Variants in SSBP2 observed in about 807,000 individuals in gnomAD.
SSBP2 encodes the protein single-stranded DNA-binding protein 2.
In SSBP2, 17 loss-of-function variants were observed where a neutral mutation model predicts 61.8. The observed-to-expected ratio is 0.28, with a 90% confidence interval of 0.19 to 0.41. SSBP2 has a LOEUF of 0.41. Among genes scored for constraint, SSBP2 ranks in the 10% least tolerant of loss-of-function variants. The pLI, the probability that SSBP2 is intolerant of heterozygous loss-of-function variation, is 1.00. For missense variants in SSBP2, 310 were observed against 458.7 expected, an observed-to-expected ratio of 0.68 and a Z score of 2.96; for synonymous variants, 139 against 141.3, an observed-to-expected ratio of 0.98 and a Z score of 0.12.
chr5:81,442,668 T>G lies in SSBP2; in HGVS notation c.834A>C (p.Gly278=). The G allele has an allele frequency of 1.3e-6, 2 of 1,582,074 alleles. No homozygotes were observed. Among genetic ancestry groups the G allele is most frequent in the Non-Finnish European group, 1.7e-6 (2 of 1,162,640 alleles). Reference sequence around the variant, plus strand: ...TCATATTTACATTAGGTCTGTTAGGTCCAGGAGGTACTGCATTCATTAAAG... The same window carrying G: ...TCATATTTACATTAGGTCTGTTAGGGCCAGGAGGTACTGCATTCATTAAAG... Residue 278 remains glycine (G), a synonymous_variant, in exon 13 of 17, where the codon GGA becomes GGC. Coordinates refer to ENST00000320672, the MANE Select transcript of SSBP2 (RefSeq NM_012446.5).
chr5:81,496,877 G>T (rs575847158), intron 5 of SSBP2, among the ~76,000 whole-genome samples: 1 of 152,212 alleles, frequency 6.6e-6, no homozygotes, highest in South Asian at 2.1e-4. Flanking sequence ...ATGGTCAGTT[G>T]GTCACAAAAA....
chr5:81,593,723 C>T (rs1743381933), intron 4 of SSBP2, among the ~76,000 whole-genome samples: 1 of 152,142 alleles, frequency 6.6e-6, no homozygotes, highest in Non-Finnish European at 1.5e-5. Context: ...AATCCAGAAT[C>T]TCATATCCAG....
chr5:81,665,984 A>G (rs780022357), intron 1 of SSBP2, among the ~76,000 whole-genome samples: 1 of 152,242 alleles, frequency 6.6e-6, no homozygotes, highest in Non-Finnish European at 1.5e-5. Context: ...AAGGCTGCTC[A>G]TAAGACTGTG....
chr5:81,739,659 A>G (rs1047774595), intron 1 of SSBP2, among the ~76,000 whole-genome samples: 5 of 152,328 alleles, frequency 3.3e-5, no homozygotes, highest in African/African-American at 1.2e-4. Flanking sequence ...TTTTTAATGA[A>G]TAACGGAGTG....
intron 1 of SSBP2, among the ~76,000 whole-genome samples, chr5:81,702,088 T>C (rs1298911692): frequency 1.3e-5 from 2 of 152,090 alleles, no homozygotes; most frequent in African/African-American, 2.4e-5. Flanking sequence ...AAAAAAAAGA[T>C]TCGGCCAGGC....
chr5:81,655,337 G>A (rs1433828090), intron 1 of SSBP2, among the ~76,000 whole-genome samples: 1 of 151,984 alleles, frequency 6.6e-6, no homozygotes, highest in Admixed American at 6.6e-5. Context: ...CTATTTAGCA[G>A]AGTAGCTAAT....
chr5:81,583,841 G>A (rs1038851994), intron 4 of SSBP2, among the ~76,000 whole-genome samples: 1 of 152,082 alleles, frequency 6.6e-6, no homozygotes, highest in Non-Finnish European at 1.5e-5. Context: ...TTCCAGAAAG[G>A]TGCATCCATA....
At chr5:81,589,881 G>A (rs1418372927) in intron 4 of SSBP2, among the ~76,000 whole-genome samples, 2 of 152,258 alleles carry the variant, frequency 1.3e-5, no homozygotes, top group East Asian at 3.9e-4. Flanking sequence ...GAGGGAGAGA[G>A]AGAGAGAGAG....
intron 3 of SSBP2, among the ~76,000 whole-genome samples, chr5:81,633,524 T>C (rs1181087696): frequency 6.6e-6 from 1 of 152,108 alleles, no homozygotes; most frequent in African/African-American, 2.4e-5. Flanking sequence ...GTAATACCAT[T>C]CAACCATCTC....
intron 1 of SSBP2, among the ~76,000 whole-genome samples, chr5:81,696,450 T>C (rs187665213): frequency 5.9e-5 from 9 of 152,144 alleles, no homozygotes; most frequent in African/African-American, 1.9e-4. Flanking sequence ...CACGAAGAAA[T>C]GGAAAAAATC....
chr5:81,737,787 C>A (rs1474496141), intron 1 of SSBP2, among the ~76,000 whole-genome samples: 416 of 107,962 alleles, frequency 3.9e-3, no homozygotes, highest in African/African-American at 4.9e-3. Context: ...GACTCCATCT[C>A]AAAAAAAAAA....
rs192175762 is a variant in SSBP2, at chr5:81,738,492, T to C, written c.62+12489A>G. The stretch of plus-strand genomic sequence containing the variant: ...TTCTTCCAGGAACTCAAAAGCTACA[T>C]ATCCAAGTTCCTCCCAAACTTCTCC... On this transcript the variant is annotated intron_variant, in intron 1 of 16. Transcript: ENST00000320672. Among the ~76,000 whole-genome samples the C allele has an allele frequency of 3.3e-3, 500 of 152,300 alleles. 2 individuals carry two copies. The highest frequency in any genetic ancestry group is 0.012 in the African/African-American group (480 of 41,568).
chr5:81,633,385 G>C (rs186017646), intron 3 of SSBP2, among the ~76,000 whole-genome samples: 53 of 151,888 alleles, frequency 3.5e-4, no homozygotes, highest in African/African-American at 1.2e-3. Flanking sequence ...CAAAGTGCTG[G>C]GATTACAGGC....
intron 4 of SSBP2, among the ~76,000 whole-genome samples, chr5:81,552,814 T>G (rs1772310050): frequency 6.6e-6 from 1 of 152,134 alleles, no homozygotes; most frequent in South Asian, 2.1e-4. Flanking sequence ...AGACTTTTAG[T>G]AATTATAAAG....
intron 4 of SSBP2, among the ~76,000 whole-genome samples, chr5:81,570,597 C>T (rs1206459634): frequency 6.6e-6 from 1 of 152,156 alleles, no homozygotes; most frequent in Non-Finnish European, 1.5e-5. Flanking sequence ...CCAACAGGGG[C>T]GTCTGCCTGA....
chr5:81,694,826 T>G (rs906584805), intron 1 of SSBP2, among the ~76,000 whole-genome samples: 2 of 152,152 alleles, frequency 1.3e-5, no homozygotes, highest in Non-Finnish European at 2.9e-5. Context: ...AAAAATTTTT[T>G]TAACTAGCTG....
At chr5:81,631,768 C>G (rs1370255923) in intron 3 of SSBP2, among the ~76,000 whole-genome samples, 3 of 152,096 alleles carry the variant, frequency 2.0e-5, no homozygotes, top group Non-Finnish European at 4.4e-5. Context: ...ACCCTCACAT[C>G]CTATTTTGCA....
chr5:81,633,728 C>T (rs2153665105), intron 3 of SSBP2, among the ~76,000 whole-genome samples: 1 of 152,250 alleles, frequency 6.6e-6, no homozygotes, highest in Middle Eastern at 3.4e-3. Context: ...CTCAACATCT[C>T]CACTTGGATG....
At chr5:81,596,258 A>T (rs1282744910) in intron 4 of SSBP2, among the ~76,000 whole-genome samples, 6 of 151,402 alleles carry the variant, frequency 4.0e-5, no homozygotes, top group Admixed American at 4.0e-4. Context: ...AGAGAATAAA[A>T]TACCTAGGAA....
Sources: allele counts gnomAD v4.1 joint callset (sites outside exome capture counted in the v4.1 genomes callset), GRCh38; gene constraint gnomAD v4.1.1; transcripts MANE v1.5; gene names NCBI Gene and HGNC (gene_info 2026-07-23, HGNC 2026-07-21).